The following NIBAN2 variants were observed in gnomAD, a reference collection of about 807,000 sequenced individuals.
NIBAN2 encodes niban apoptosis regulator 2.
Under a neutral mutation model 81.8 loss-of-function variants are expected in NIBAN2, and 36 were observed. That is an observed-to-expected ratio of 0.44 (90% CI 0.34 to 0.58). NIBAN2 has a LOEUF of 0.58. NIBAN2 is among the 20% of genes least tolerant of loss of function. The pLI, the probability that NIBAN2 is intolerant of heterozygous loss-of-function variation, is 0.02. For synonymous variants in NIBAN2, 445 were observed against 441.6 expected, an observed-to-expected ratio of 1.01 and a Z score of -0.10; for missense variants, 897 against 1,014.1, an observed-to-expected ratio of 0.88 and a Z score of 1.57.
chr9:127,561,136 G>A (rs1444380966), intron 1 of NIBAN2: 41 of 985,318 alleles, frequency 4.2e-5, no homozygotes, highest in East Asian at 1.1e-4. Flanking sequence ...ATGCTGCTGC[G>A]GAGTGACTGA....
chr9:127,508,123 C>T lies in NIBAN2; in HGVS notation c.1512G>A (p.Leu504=). The change falls in exon 12 of 14, where the codon CTG becomes CTA. Residue 504 remains leucine (L), a synonymous_variant. Coordinates refer to ENST00000373312, the MANE Select transcript of NIBAN2 (RefSeq NM_022833.4). The surrounding 1 kb of genome is among the most constrained non-coding windows in gnomAD (Gnocchi z 6.4). ...TGCAGGTAGGGGCCAGCTTCTTGAG[C>T]AGGAACGGGATGCTGATCTGCAGCA... The part of the protein sequence containing the change: ...EALLQISIPF[L]LKKLAPTCKS... The T allele has an allele frequency of 6.2e-7, 1 of 1,613,656 alleles. No individual in the cohort carries two copies. Among genetic ancestry groups the T allele is most frequent in the Middle Eastern group, 1.6e-4 (1 of 6,062 alleles).
chr9:127,537,270 C>T (rs1420607102), intron 1 of NIBAN2, among the ~76,000 whole-genome samples: 1 of 152,180 alleles, frequency 6.6e-6, no homozygotes, highest in Admixed American at 6.5e-5. Flanking sequence ...AAGCTGTTCC[C>T]GAGCTCTGAG....
At chr9:127,520,308 G>A (rs1367652274) in intron 5 of NIBAN2, among the ~76,000 whole-genome samples, 1 of 145,154 alleles carries the variant, frequency 6.9e-6, no homozygotes, top group East Asian at 2.2e-4. Flanking sequence ...GTGCAATCTT[G>A]GCTCACTGCA....
chr9:127,574,618 C>A (rs967404180), intron 1 of NIBAN2, among the ~76,000 whole-genome samples: 1 of 152,134 alleles, frequency 6.6e-6, no homozygotes. Context: ...GCACGGAGTC[C>A]CAGCTCTGCT....
intron 5 of NIBAN2, among the ~76,000 whole-genome samples, chr9:127,518,795 C>T (rs1241600435): frequency 2.0e-5 from 3 of 152,244 alleles, no homozygotes; most frequent in Admixed American, 6.5e-5. Flanking sequence ...ACTGAGGAGC[C>T]AGCTGCCTGC....
chr9:127,538,221 A>G (rs1837313860), intron 1 of NIBAN2, among the ~76,000 whole-genome samples: 1 of 152,090 alleles, frequency 6.6e-6, no homozygotes. Context: ...GCTGCATCCT[A>G]TCGGGTTATT....
intron 1 of NIBAN2, among the ~76,000 whole-genome samples, chr9:127,542,554 G>A (rs1837399612): frequency 6.6e-6 from 1 of 152,264 alleles, no homozygotes; most frequent in South Asian, 2.1e-4. Context: ...CCTCACCACG[G>A]AAACGGAGGC....
rs965624510 is a variant in NIBAN2, at chr9:127,508,370, C to T, written c.1434+52G>A. 8.1e-6 allele frequency: 12 copies of T among 1,486,740 alleles called. No individual in the cohort carries two copies. Among genetic ancestry groups the T allele is most frequent in the African/African-American group, 1.4e-5 (1 of 72,434 alleles). The allele number at this position is 1,486,740 out of a possible 1,614,324, so 92.1% of individuals were successfully genotyped here. ...CCTGGTGGTGGCCGGGGATGAGGCT[C>T]GGGGCTCGGCCTCGCCTAGGACGGT... On this transcript the variant is annotated intron_variant, in intron 11 of 13. Coordinates refer to ENST00000373312, the MANE Select transcript of NIBAN2 (RefSeq NM_022833.4). This position sits in a 1 kb window ranked among gnomAD's most constrained non-coding sequence, Gnocchi z 6.4.
At chr9:127,565,958 A>T (rs1175270764) in intron 1 of NIBAN2, among the ~76,000 whole-genome samples, 4 of 150,226 alleles carry the variant, frequency 2.7e-5, no homozygotes, top group Non-Finnish European at 5.9e-5. Context: ...ACACACACAC[A>T]CACACACACA....
chr9:127,554,350 C>T (rs1251846231), intron 1 of NIBAN2, among the ~76,000 whole-genome samples: 1 of 152,114 alleles, frequency 6.6e-6, no homozygotes, highest in Admixed American at 6.5e-5. Context: ...AAAAATCCCT[C>T]CTGTCCTCCA....
intron 8 of NIBAN2, among the ~76,000 whole-genome samples, chr9:127,513,380 G>A (rs931447267): frequency 1.3e-5 from 2 of 152,308 alleles, no homozygotes. Context: ...CAGAGCAACT[G>A]TATCTTAAAT....
intron 1 of NIBAN2, among the ~76,000 whole-genome samples, chr9:127,541,890 C>T (rs1211613619): frequency 2.0e-5 from 3 of 152,130 alleles, no homozygotes; most frequent in African/African-American, 7.2e-5. Context: ...GATTCCCACC[C>T]CACCACTACC....
At chr9:127,561,074 C>T (rs1314224756) in intron 1 of NIBAN2, 5 of 966,756 alleles carry the variant, frequency 5.2e-6, no homozygotes, top group Admixed American at 1.2e-4. Context: ...TGTTCCCATC[C>T]ATCTTCTAAC....
At position 127,507,643 on chromosome 9, in the gene NIBAN2, G is replaced by C. The variant is rs1478359159; in HGVS notation, c.1655-212C>G. ...CCACATGTCATCTAATCACTCCTCT[G>C]ACCCTCCCAGCAAAGCCAAGGACGC... On this transcript the variant is annotated intron_variant, in intron 13 of 13. Coordinates refer to ENST00000373312, the MANE Select transcript of NIBAN2 (RefSeq NM_022833.4). This position sits in a 1 kb window ranked among gnomAD's most constrained non-coding sequence, Gnocchi z 6.8. Among the ~76,000 whole-genome samples the C allele has an allele frequency of 6.6e-6, 1 of 152,154 alleles. No individual in the cohort carries two copies. Among genetic ancestry groups the C allele is most frequent in the Non-Finnish European group, 1.5e-5 (1 of 68,024 alleles).
In NIBAN2 at chr9:127,507,105, G is replaced by A; in HGVS notation, c.1981C>T (p.Leu661=). The change falls in exon 14 of 14, where the codon CTG becomes TTG. Residue 661 remains leucine, a synonymous_variant. Coordinates refer to ENST00000373312, the MANE Select transcript of NIBAN2 (RefSeq NM_022833.4). This position sits in a 1 kb window ranked among gnomAD's most constrained non-coding sequence, Gnocchi z 6.8. The part of the protein sequence containing the change: ...TEIRGLLAQG[L]RPESPPPAGP... ...GCTGGTGGGGGGCTCTCAGGCCGCA[G>A]ACCTTGGGCCAGCAGGCCTCGGATC... 2 of 1,584,346 alleles carry A rather than the reference G, an allele frequency of 1.3e-6. No homozygotes were observed. The highest frequency in any genetic ancestry group is 1.7e-6 in the Non-Finnish European group (2 of 1,165,540).
At chr9:127,560,526 C>T in intron 1 of NIBAN2, among the ~76,000 whole-genome samples, 1 of 152,112 alleles carries the variant, frequency 6.6e-6, no homozygotes, top group East Asian at 1.9e-4. Context: ...CCCTCTACCT[C>T]CCCCATCCTG....
At chr9:127,557,011 A>C (rs1837684285) in intron 1 of NIBAN2, among the ~76,000 whole-genome samples, 1 of 152,204 alleles carries the variant, frequency 6.6e-6, no homozygotes, top group Non-Finnish European at 1.5e-5. Context: ...CGGGAGGTTG[A>C]GGCTGCAGTA....
At chr9:127,514,270 CAAAA>C in intron 8 of NIBAN2, among the ~76,000 whole-genome samples, 1 of 118,126 alleles carries the variant, frequency 8.5e-6, no homozygotes, top group Non-Finnish European at 1.7e-5. Flanking sequence ...ACTCTGTGTC[CAAAA>C]AAAAAAAAAA....
intron 1 of NIBAN2, among the ~76,000 whole-genome samples, chr9:127,574,968 G>T (rs1588197378): frequency 6.6e-6 from 1 of 152,186 alleles, no homozygotes. Context: ...CAGGGAACTG[G>T]CCTCCCTGCC....
Sources: gnomAD v4.1 joint callset for allele counts (sites outside exome capture counted in the v4.1 genomes callset) on GRCh38, gnomAD v4.1.1 for gene constraint, Gnocchi (gnomAD v3.1) non-coding constraint, MANE v1.5 for transcripts, NCBI Gene and HGNC (gene_info 2026-07-23, HGNC 2026-07-21) for gene names.